The following MTHFD1L variants were observed in gnomAD, a reference collection of about 807,000 sequenced individuals.
MTHFD1L encodes the protein monofunctional C1-tetrahydrofolate synthase, mitochondrial.
A neutral mutation model predicts 119.5 loss-of-function variants in MTHFD1L; 81 were observed. That is an observed-to-expected ratio of 0.68 (90% confidence interval 0.57 to 0.82). The LOEUF (loss-of-function observed/expected upper bound fraction) is 0.82. Ranked by LOEUF, MTHFD1L falls within the 40% of genes least tolerant of loss-of-function variation. The probability of loss-of-function intolerance (pLI) is 0.00; values close to 1 mark genes in which losing one functional copy is unlikely to be tolerated. For missense variants in MTHFD1L, 1,125 were observed against 1,253.4 expected, an observed-to-expected ratio of 0.90 and a Z score of 1.55; for synonymous variants, 430 against 475.2, an observed-to-expected ratio of 0.90 and a Z score of 1.24.
chr6:150,878,610 T>A (rs1434559200), intron 4 of MTHFD1L, among the ~76,000 whole-genome samples: 1 of 152,208 alleles, frequency 6.6e-6, no homozygotes, highest in Non-Finnish European at 1.5e-5. Flanking sequence ...CCCTGGTTGG[T>A]GATATCACCA....
chr6:150,887,202 A>G (rs1782469552), intron 6 of MTHFD1L, among the ~76,000 whole-genome samples: 1 of 152,202 alleles, frequency 6.6e-6, no homozygotes, highest in Non-Finnish European at 1.5e-5. Context: ...GCTCAAATCT[A>G]TGAAATAATC....
chr6:150,920,324 G>A (rs1562380168), intron 9 of MTHFD1L, among the ~76,000 whole-genome samples: 1 of 152,296 alleles, frequency 6.6e-6, no homozygotes, highest in Middle Eastern at 3.4e-3. Context: ...ACCTAAAGGC[G>A]AAGGTCATCA....
At chr6:151,000,217 G>A (rs757186635) in intron 20 of MTHFD1L, among the ~76,000 whole-genome samples, 8 of 151,968 alleles carry the variant, frequency 5.3e-5, no homozygotes, top group Non-Finnish European at 7.4e-5. Flanking sequence ...CACAACTGTA[G>A]TCCCAGCTAC....
chr6:150,927,101 G>A (rs1790128517), intron 11 of MTHFD1L, among the ~76,000 whole-genome samples: 1 of 152,140 alleles, frequency 6.6e-6, no homozygotes, highest in Admixed American at 6.5e-5. Flanking sequence ...TGACTCCTAG[G>A]TAACTTTGTT....
intron 23 of MTHFD1L, 28 bp downstream of exon 23, chr6:151,015,008 G>A: frequency 6.3e-7 from 1 of 1,590,406 alleles, no homozygotes; most frequent in Non-Finnish European, 8.6e-7. Context: ...CTTTAAATGT[G>A]GGCATTATCA....
At chr6:150,957,373 A>T (rs1403560323) in intron 17 of MTHFD1L, among the ~76,000 whole-genome samples, 1 of 152,206 alleles carries the variant, frequency 6.6e-6, no homozygotes, top group Non-Finnish European at 1.5e-5. Context: ...AGTAGGTACT[A>T]AATGCTAGTG....
chr6:151,100,032 T>TTA, intron 27 of MTHFD1L: 1 of 667,626 alleles, frequency 1.5e-6, no homozygotes, highest in African/African-American at 1.8e-5. Flanking sequence ...TTTCTTTCTT[T>TTA]TCTTTTTTTT....
intron 8 of MTHFD1L, among the ~76,000 whole-genome samples, chr6:150,906,845 C>G (rs1156745068): frequency 1.3e-5 from 2 of 152,140 alleles, no homozygotes; most frequent in Non-Finnish European, 2.9e-5. Flanking sequence ...ATTGACCGAT[C>G]AGATTAAAAA....
At chr6:151,066,531 C>T (rs1466505932) in intron 26 of MTHFD1L, among the ~76,000 whole-genome samples, 5 of 150,870 alleles carry the variant, frequency 3.3e-5, no homozygotes, top group Admixed American at 6.6e-5. Context: ...TTTGGGAGGC[C>T]GAGGCGGGTG....
chr6:150,953,410 C>T (rs892358267), intron 16 of MTHFD1L, among the ~76,000 whole-genome samples: 1 of 152,176 alleles, frequency 6.6e-6, no homozygotes, highest in Admixed American at 6.5e-5. Flanking sequence ...TCCTAGCATG[C>T]CTTACATAAG....
In MTHFD1L at chr6:150,922,247, C is replaced by G. The variant is rs567950016; in HGVS notation, c.1027C>G (p.His343Asp). ...AAGGAGATGGCTTCGTGAACAGCAGCACAGGCGGTGGAGACTTCACTGCTT... is the reference window on the plus strand; with the variant it reads ...AAGGAGATGGCTTCGTGAACAGCAGGACAGGCGGTGGAGACTTCACTGCTT... Reference protein sequence around the residue: ...SGRRWLREQQHRRWRLHCLKL... With the variant: ...SGRRWLREQQDRRWRLHCLKL... Residue 343 changes from histidine (H) to aspartate (D), a missense_variant, in exon 10 of 28, where the codon CAC becomes GAC. This residue lies in a region of MTHFD1L where 1,058 missense variants were observed against 1,151.2 expected (regional missense o/e 0.92). Transcript: ENST00000367321. 1.9e-5 allele frequency: 31 copies of G among 1,614,104 alleles called. No homozygotes were observed. The highest frequency in any genetic ancestry group is 8.3e-5 in the Admixed American group (5 of 60,016).
Position 150,922,273 on chromosome 6 carries a change from G to A in MTHFD1L, c.1053G>A (p.Leu351=), listed in dbSNP as rs1455504904. Reference sequence around the variant, plus strand: ...ACAGGCGGTGGAGACTTCACTGCTTGAAACTTCAGCCTCTCTCCCCTGTGC... The same window carrying A: ...ACAGGCGGTGGAGACTTCACTGCTTAAAACTTCAGCCTCTCTCCCCTGTGC... The part of the protein sequence containing the change: ...QQHRRWRLHC[L]KLQPLSPVPS... The change falls in exon 10 of 28, where the codon TTG becomes TTA. Residue 351 remains leucine, a synonymous_variant. Coordinates refer to ENST00000367321, the MANE Select transcript of MTHFD1L (RefSeq NM_015440.5). 7.4e-6 allele frequency: 12 copies of A among 1,614,026 alleles called. No homozygotes were observed. Among genetic ancestry groups the A allele is most frequent in the Non-Finnish European group, 1.0e-5 (12 of 1,179,928 alleles).
intron 20 of MTHFD1L, among the ~76,000 whole-genome samples, chr6:150,980,651 G>C (rs1164151323): frequency 6.7e-6 from 1 of 149,584 alleles, no homozygotes; most frequent in Non-Finnish European, 1.5e-5. Context: ...TCTGAGGCAG[G>C]AGGATCAATT....
chr6:151,035,767 A>G (rs1359119528), intron 25 of MTHFD1L, among the ~76,000 whole-genome samples: 1 of 152,014 alleles, frequency 6.6e-6, no homozygotes, highest in African/African-American at 2.4e-5. Context: ...TATTTCTTTT[A>G]TGAAGTAATC....
rs1186166048 is a variant in MTHFD1L at position 150,945,452 on chromosome 6, G to T, written c.1549-15G>T. 6.2e-7 allele frequency: 1 copy of T among 1,605,038 alleles called. No homozygotes were observed. The highest frequency in any genetic ancestry group is 1.1e-5 in the South Asian group (1 of 88,498). ...CTAACTTTTGTGTGGTCTCATTTTT[G>T]TTTTGTGTTTTTAGGCTCTGTATAA... is the stretch of plus-strand genomic sequence containing the variant. On this transcript the variant is annotated splice_polypyrimidine_tract_variant and intron_variant, in intron 14 of 27. Transcript: ENST00000367321.
At chr6:151,019,835 G>A (rs904401858) in intron 24 of MTHFD1L, among the ~76,000 whole-genome samples, 1 of 152,166 alleles carries the variant, frequency 6.6e-6, no homozygotes, top group Middle Eastern at 3.2e-3. Flanking sequence ...ATTCATTGGT[G>A]CAGTCAGTAA....
chr6:150,914,279 C>T (rs1432475136), intron 8 of MTHFD1L, among the ~76,000 whole-genome samples: 2 of 151,476 alleles, frequency 1.3e-5, no homozygotes, highest in African/African-American at 2.4e-5. Context: ...CCTGGGTGAT[C>T]GGGCCAGACC....
intron 19 of MTHFD1L, among the ~76,000 whole-genome samples, chr6:150,971,075 G>A (rs1265745525): frequency 6.6e-6 from 1 of 152,324 alleles, no homozygotes; most frequent in East Asian, 1.9e-4. Context: ...GTAAAGAGTA[G>A]AATAGTGGTT....
chr6:151,025,860 T>C (rs571437097), intron 24 of MTHFD1L, among the ~76,000 whole-genome samples: 1 of 152,322 alleles, frequency 6.6e-6, no homozygotes, highest in East Asian at 1.9e-4. Context: ...GAGTGTTACA[T>C]AGTGTTTTTC....
Sources: gnomAD v4.1 joint callset for allele counts (sites outside exome capture counted in the v4.1 genomes callset) on GRCh38, gnomAD v4.1.1 for gene constraint, gnomAD v4.1.1 regional missense constraint, MANE v1.5 for transcripts, NCBI Gene and HGNC (gene_info 2026-07-23, HGNC 2026-07-21) for gene names.